The following FOXP2 variants were observed in gnomAD, a reference collection of about 807,000 sequenced individuals.
FOXP2 encodes forkhead box P2.
A neutral mutation model predicts 115.8 loss-of-function variants in FOXP2; 12 were observed. The ratio of observed to expected loss-of-function variants is 0.10; its 90% CI spans 0.07 to 0.17. The LOEUF (loss-of-function observed/expected upper bound fraction) is 0.17, where lower values mean the gene tolerates loss of function less well. Among genes scored for constraint, FOXP2 ranks in the 10% least tolerant of loss-of-function variants. The pLI, the probability that FOXP2 is intolerant of heterozygous loss-of-function variation, is 1.00. For synonymous variants in FOXP2, 328 were observed against 297.7 expected, an observed-to-expected ratio of 1.10 and a Z score of -1.05; for missense variants, 629 against 843.5, an observed-to-expected ratio of 0.75 and a Z score of 3.15.
intron 1 of FOXP2, among the ~76,000 whole-genome samples, chr7:114,170,020 C>A (rs536785691): frequency 5.9e-5 from 9 of 152,278 alleles, no homozygotes; most frequent in African/African-American, 2.2e-4. Context: ...TTTTGTAAAT[C>A]GCCCTGTCTC....
chr7:114,650,757 C>T (rs1209845373), intron 8 of FOXP2, among the ~76,000 whole-genome samples: 1 of 151,926 alleles, frequency 6.6e-6, no homozygotes, highest in Admixed American at 6.6e-5. Context: ...TGCACTCCAG[C>T]CACACTCCTT....
rs549887994 is a variant in FOXP2 at position 114,337,856 on chromosome 7, A to G, written c.-11+49747A>G. On this transcript the variant is annotated intron_variant, in intron 2 of 17. Transcript: ENST00000634411. ...ATGTTAATCACAAGAGTGATTTCCT[A>G]CTTCACAAGGAAGTCCACACTCTTT... is the stretch of plus-strand genomic sequence containing the variant. Among the ~76,000 whole-genome samples the G allele has an allele frequency of 2.3e-4, 34 of 150,998 alleles. No homozygotes were observed. The South Asian group carries it at 6.2e-3, about 28-fold the overall frequency.
intron 2 of FOXP2, among the ~76,000 whole-genome samples, chr7:114,338,166 T>A (rs1797905533): frequency 6.6e-6 from 1 of 151,088 alleles, no homozygotes; most frequent in African/African-American, 2.4e-5. Flanking sequence ...TTTCTTTAAT[T>A]TTAATATGCA....
intron 2 of FOXP2, among the ~76,000 whole-genome samples, chr7:114,371,582 GT>G: frequency 6.6e-6 from 1 of 152,012 alleles, no homozygotes; most frequent in African/African-American, 2.4e-5. Flanking sequence ...GATTATATTT[GT>G]TATTACCCAC....
At chr7:114,368,235 T>C (rs899175982) in intron 2 of FOXP2, among the ~76,000 whole-genome samples, 11 of 152,324 alleles carry the variant, frequency 7.2e-5, no homozygotes, top group African/African-American at 2.2e-4. Flanking sequence ...CCATGGTATA[T>C]AGAATTTGAA....
intron 1 of FOXP2, among the ~76,000 whole-genome samples, chr7:114,094,614 AG>A (rs1355675194): frequency 2.0e-5 from 3 of 152,138 alleles, no homozygotes; most frequent in Non-Finnish European, 4.4e-5. Flanking sequence ...AGCCAGGCAA[AG>A]TGGGTTTTAT....
chr7:114,382,107 T>A (rs1345632598), intron 2 of FOXP2, among the ~76,000 whole-genome samples: 2 of 152,104 alleles, frequency 1.3e-5, no homozygotes, highest in African/African-American at 2.4e-5. Flanking sequence ...AGAGTAAAGT[T>A]CCCCAGTCAC....
chr7:114,507,490 C>T (rs1023261258), intron 2 of FOXP2, among the ~76,000 whole-genome samples: 1 of 151,852 alleles, frequency 6.6e-6, no homozygotes, highest in Non-Finnish European at 1.5e-5. Context: ...TATTCCTTAT[C>T]TCAAGGATAA....
intron 3 of FOXP2, among the ~76,000 whole-genome samples, chr7:114,574,293 TA>T (rs1280836361): frequency 1.3e-5 from 2 of 151,752 alleles, no homozygotes. Context: ...ATTTAATAGA[TA>T]AAAAAGCATT....
At chr7:114,223,273 G>C (rs1659630981) in intron 1 of FOXP2, among the ~76,000 whole-genome samples, 1 of 151,856 alleles carries the variant, frequency 6.6e-6, no homozygotes, top group African/African-American at 2.4e-5. Context: ...TTGTCATACT[G>C]CTCCTTTTGT....
At chr7:114,175,236 A>T (rs1470010402) in intron 1 of FOXP2, among the ~76,000 whole-genome samples, 3 of 152,144 alleles carry the variant, frequency 2.0e-5, no homozygotes, top group African/African-American at 7.2e-5. Flanking sequence ...GTAGCCTCCA[A>T]ATCTACTTAC....
At chr7:114,322,053 G>A (rs2129181537) in intron 2 of FOXP2, among the ~76,000 whole-genome samples, 1 of 147,630 alleles carries the variant, frequency 6.8e-6, no homozygotes, top group African/African-American at 2.5e-5. Flanking sequence ...ATAGGGTCTG[G>A]CTCTGTCACC....
intron 2 of FOXP2, among the ~76,000 whole-genome samples, chr7:114,463,580 T>C (rs1471481731): frequency 6.6e-6 from 1 of 152,234 alleles, no homozygotes; most frequent in Non-Finnish European, 1.5e-5. Flanking sequence ...TATCAAAATA[T>C]GTGACCTTAC....
chr7:114,691,122 G>A lies in FOXP2; in HGVS notation c.*1196G>A, dbSNP rs1037525108. 4 of 453,912 alleles carry A rather than the reference G, an allele frequency of 8.8e-6. No homozygotes were observed. The highest frequency in any genetic ancestry group is 1.8e-5 in the Non-Finnish European group (4 of 226,774). 28.1% of individuals were successfully genotyped at this position (453,912 alleles called of 1,614,324 possible). A position where few individuals can be genotyped will look rare whatever the true frequency, so the allele number is the denominator to read the frequency against. On this transcript the variant is annotated 3_prime_UTR_variant, in exon 17 of 17. Coordinates refer to ENST00000350908, the MANE Select transcript of FOXP2 (RefSeq NM_014491.4). ...TATGTACTTGATGCAAATGCAGATTGCATATTGTTATATATATAGTACTTT... is the reference window on the plus strand; with the variant it reads ...TATGTACTTGATGCAAATGCAGATTACATATTGTTATATATATAGTACTTT...
intron 2 of FOXP2, among the ~76,000 whole-genome samples, chr7:114,300,834 C>A (rs1181116392): frequency 6.6e-6 from 1 of 151,804 alleles, no homozygotes; most frequent in African/African-American, 2.4e-5. Flanking sequence ...TAAAAACTGT[C>A]TTTCATAAAA....
chr7:114,306,194 A>G (rs774742950), intron 2 of FOXP2, among the ~76,000 whole-genome samples: 3 of 152,130 alleles, frequency 2.0e-5, no homozygotes, highest in African/African-American at 4.8e-5. Flanking sequence ...TAATAAGTCA[A>G]CTTGTTACTG....
chr7:114,566,568 A>G (rs553251236), intron 3 of FOXP2, among the ~76,000 whole-genome samples: 1 of 152,216 alleles, frequency 6.6e-6, no homozygotes, highest in Non-Finnish European at 1.5e-5. Flanking sequence ...AGTGGAAGCC[A>G]CTTGAGGCCC....
At chr7:114,562,102 T>G (rs577012207) in intron 3 of FOXP2, among the ~76,000 whole-genome samples, 1 of 152,326 alleles carries the variant, frequency 6.6e-6, no homozygotes, top group South Asian at 2.1e-4. Flanking sequence ...CTGATCATGT[T>G]GTATCCCATG....
chr7:114,629,548 C>T, intron 4 of FOXP2: 1 of 1,490,112 alleles, frequency 6.7e-7, no homozygotes, highest in Non-Finnish European at 9.0e-7. Context: ...ATTAATTTGG[C>T]TCTGACCCTT....
Sources: allele counts gnomAD v4.1 joint callset (sites outside exome capture counted in the v4.1 genomes callset), GRCh38; gene constraint gnomAD v4.1.1; transcripts MANE v1.5; gene names NCBI Gene and HGNC (gene_info 2026-07-23, HGNC 2026-07-21).